The following MAPK10 variants were observed in gnomAD, a reference collection of about 807,000 sequenced individuals.
MAPK10 encodes the protein mitogen-activated protein kinase 10, also known as JNK3 alpha protein kinase.
A neutral mutation model predicts 59.3 loss-of-function variants in MAPK10; 25 were observed. That is an observed-to-expected ratio of 0.42 (90% CI 0.31 to 0.59). MAPK10 has a LOEUF of 0.59. Ranked by LOEUF, MAPK10 falls within the 20% of genes least tolerant of loss-of-function variation. The pLI is 0.15. For synonymous variants in MAPK10, 190 were observed against 200.5 expected, an observed-to-expected ratio of 0.95 and a Z score of 0.44; for missense variants, 351 against 568.9, an observed-to-expected ratio of 0.62 and a Z score of 3.90.
intron 1 of MAPK10, among the ~76,000 whole-genome samples, chr4:86,475,745 C>T (rs375911297): frequency 2.6e-5 from 4 of 151,800 alleles, no homozygotes; most frequent in South Asian, 2.1e-4. Flanking sequence ...CGGCAAGTAC[C>T]GCTTTTCTAG....
chr4:86,546,342 G>A (rs1267502118), intron 1 of MAPK10, among the ~76,000 whole-genome samples: 2 of 151,814 alleles, frequency 1.3e-5, no homozygotes, highest in African/African-American at 4.8e-5. Flanking sequence ...GAGGTTAGGA[G>A]TTCGAGACAA....
intron 2 of MAPK10, among the ~76,000 whole-genome samples, chr4:86,212,918 A>C (rs1164189809): frequency 2.0e-5 from 3 of 152,178 alleles, no homozygotes; most frequent in Non-Finnish European, 4.4e-5. Context: ...GTCTTCCTCA[A>C]AACAATATAC....
At chr4:86,242,842 C>T (rs2092823343) in intron 2 of MAPK10, among the ~76,000 whole-genome samples, 2 of 148,954 alleles carry the variant, frequency 1.3e-5, no homozygotes, top group African/African-American at 2.6e-5. Flanking sequence ...AGACAACAGG[C>T]AGTGGCAGGT....
chr4:86,429,490 T>C (rs1747749490), intron 1 of MAPK10, among the ~76,000 whole-genome samples: 1 of 152,192 alleles, frequency 6.6e-6, no homozygotes, highest in African/African-American at 2.4e-5. Flanking sequence ...GATCATTATC[T>C]AATAATTGTT....
At chr4:86,304,355 T>G (rs1418995615) in intron 2 of MAPK10, among the ~76,000 whole-genome samples, 1 of 152,034 alleles carries the variant, frequency 6.6e-6, no homozygotes, top group East Asian at 1.9e-4. Context: ...AAATCTGCAT[T>G]TTCTACCATT....
At chr4:86,288,928 TAAA>T (rs202103787) in intron 2 of MAPK10, among the ~76,000 whole-genome samples, 1 of 126,498 alleles carries the variant, frequency 7.9e-6, no homozygotes. Context: ...AAAATAAAAG[TAAA>T]AAAAAAAAAA....
Position 86,013,519 on chromosome 4 carries a change from G to C in MAPK10, c.*3709C>G, listed in dbSNP as rs894665304. The C allele has an allele frequency of 2.6e-5, 4 of 152,200 alleles. No individual in the cohort carries two copies. The highest frequency in any genetic ancestry group is 9.7e-5 in the African/African-American group (4 of 41,438). 9.4% of individuals were successfully genotyped at this position (152,200 alleles called of 1,614,324 possible). A position where few individuals can be genotyped will look rare whatever the true frequency, so the allele number is the denominator to read the frequency against. On this transcript the variant is annotated 3_prime_UTR_variant, in exon 14 of 14. Transcript: ENST00000641462. Reference sequence around the variant, plus strand: ...TAAGATGTGGCTTTTCATATGTTAAGAGATTCAAATCGAAATAGATTTTGT... The same window carrying C: ...TAAGATGTGGCTTTTCATATGTTAACAGATTCAAATCGAAATAGATTTTGT...
chr4:86,024,442 C>G (rs1169326819), intron 13 of MAPK10: 1 of 152,204 alleles, frequency 6.6e-6, no homozygotes, highest in Non-Finnish European at 1.5e-5. Context: ...ATTTTCAGCA[C>G]ACTTCTGGAA....
At chr4:86,438,690 C>CAAA (rs201802038) in intron 1 of MAPK10, among the ~76,000 whole-genome samples, 5 of 63,030 alleles carry the variant, frequency 7.9e-5, no homozygotes, top group Admixed American at 1.8e-4. Context: ...AACTCCATCT[C>CAAA]AAAAAAAAAA....
rs150944617 is a variant in MAPK10, at chr4:86,560,192, C to T, written c.-263+33718G>A. On this transcript the variant is annotated intron_variant, in intron 1 of 4. Transcript: ENST00000502302. ...ATTACTTTATATGTAAACATACAAA[C>T]GCACTTTAACGAAAATGACAAGACT... is the stretch of plus-strand genomic sequence containing the variant. Among the ~76,000 whole-genome samples the T allele has an allele frequency of 7.5e-3, 1,139 of 152,096 alleles. 11 individuals carry two copies. Among genetic ancestry groups the T allele is most frequent in the African/African-American group, 0.025 (1,053 of 41,482 alleles).
chr4:86,173,235 A>G (rs930334114), intron 3 of MAPK10, among the ~76,000 whole-genome samples: 1 of 152,222 alleles, frequency 6.6e-6, no homozygotes, highest in African/African-American at 2.4e-5. Context: ...ACAAGGCTGC[A>G]GTAATCTAAA....
chr4:86,245,500 A>G (rs1396763727), intron 2 of MAPK10, among the ~76,000 whole-genome samples: 1 of 152,024 alleles, frequency 6.6e-6, no homozygotes, highest in Non-Finnish European at 1.5e-5. Flanking sequence ...ATTAAAATTA[A>G]TTTTAAAATT....
intron 11 of MAPK10, chr4:86,040,868 T>C (rs2041375151): frequency 6.6e-6 from 1 of 152,172 alleles, no homozygotes. Flanking sequence ...TTAGGAATAC[T>C]GTACCCCACA....
intron 1 of MAPK10, among the ~76,000 whole-genome samples, chr4:86,447,242 T>C (rs935131912): frequency 1.3e-5 from 2 of 152,156 alleles, no homozygotes; most frequent in African/African-American, 2.4e-5. Flanking sequence ...GATGGTTTTT[T>C]AAGGGGCTCT....
chr4:86,573,190 A>G (rs759305580), intron 1 of MAPK10, among the ~76,000 whole-genome samples: 2 of 152,254 alleles, frequency 1.3e-5, no homozygotes, highest in Non-Finnish European at 2.9e-5. Context: ...TTTATGTCTT[A>G]CCTAAGAAAG....
chr4:86,352,289 T>G (rs569238542), intron 2 of MAPK10: 3 of 152,214 alleles, frequency 2.0e-5, no homozygotes, highest in East Asian at 1.9e-4. Flanking sequence ...TAGCATTAAG[T>G]AAAATAGATT....
chr4:86,590,759 C>T (rs1028888326), intron 1 of MAPK10, among the ~76,000 whole-genome samples: 1 of 151,820 alleles, frequency 6.6e-6, no homozygotes, highest in Non-Finnish European at 1.5e-5. Context: ...ACACTCCAGC[C>T]TGGGTAACAG....
chr4:86,269,124 G>A (rs1265420100), intron 2 of MAPK10, among the ~76,000 whole-genome samples: 2 of 152,130 alleles, frequency 1.3e-5, no homozygotes, highest in Non-Finnish European at 2.9e-5. Flanking sequence ...CCAGTACCAT[G>A]AGATAAAAAG....
chr4:86,221,572 G>A (rs1028801650), intron 2 of MAPK10, among the ~76,000 whole-genome samples: 1 of 151,860 alleles, frequency 6.6e-6, no homozygotes, highest in African/African-American at 2.4e-5. Flanking sequence ...CTGCAGGCTC[G>A]ACCTCCCAGA....
Sources: allele counts gnomAD v4.1 joint callset (sites outside exome capture counted in the v4.1 genomes callset), GRCh38; gene constraint gnomAD v4.1.1; transcripts MANE v1.5; gene names NCBI Gene and HGNC (gene_info 2026-07-23, HGNC 2026-07-21).